Variants in DNAI4 observed in about 807,000 individuals in gnomAD.
DNAI4 encodes the protein WD repeat domain 78.
Under a neutral mutation model 105.8 loss-of-function variants are expected in DNAI4, and 85 were observed. That is an observed-to-expected ratio of 0.80 (90% CI 0.67 to 0.96). DNAI4 has a LOEUF of 0.96. Among genes scored for constraint, DNAI4 ranks in the 40% least tolerant of loss-of-function variants. DNAI4 has a pLI of 0.00. For synonymous variants in DNAI4, 352 were observed against 331.5 expected (o/e 1.06, Z -0.67); for missense variants, 1,014 against 1,005.6 (o/e 1.01, Z -0.11).
chr1:66,900,620 CTTT>C (rs1456798090), intron 2 of DNAI4, among the ~76,000 whole-genome samples: 3 of 152,246 alleles, frequency 2.0e-5, no homozygotes, highest in African/African-American at 2.4e-5. Context: ...TTTTGCACTT[CTTT>C]TATTACATTT....
rs116246605 is a variant in DNAI4, at chr1:66,904,077, A to G, written c.345+1124T>C. On this transcript the variant is annotated intron_variant, in intron 2 of 16. Transcript: ENST00000371026. ...CATGTATTCATATATATGTGTATAT[A>G]CACACATAAATAAGTGAAATACATA... 6.7e-3 allele frequency among the ~76,000 whole-genome samples: 1,020 copies of G among 152,048 alleles called. 9 individuals carry two copies. The highest frequency in any genetic ancestry group is 0.022 in the African/African-American group (921 of 41,500).
chr1:66,864,881 G>A (rs769675859), intron 6 of DNAI4, among the ~76,000 whole-genome samples: 1 of 152,196 alleles, frequency 6.6e-6, no homozygotes, highest in African/African-American at 2.4e-5. Flanking sequence ...AGTTAGGAGA[G>A]TGGATACTTC....
At chr1:66,901,629 T>C (rs1557974288) in intron 2 of DNAI4, among the ~76,000 whole-genome samples, 1 of 152,236 alleles carries the variant, frequency 6.6e-6, no homozygotes, top group Admixed American at 6.5e-5. Flanking sequence ...AGGACTTTAG[T>C]TGCTTTCACC....
At chr1:66,825,619 C>T (rs1304937716) in intron 15 of DNAI4, among the ~76,000 whole-genome samples, 1 of 152,204 alleles carries the variant, frequency 6.6e-6, no homozygotes, top group African/African-American at 2.4e-5. Flanking sequence ...AGACAAGTAG[C>T]AAGTTTGCAT....
chr1:66,849,406 C>T (rs192842863), intron 7 of DNAI4, among the ~76,000 whole-genome samples: 28 of 152,296 alleles, frequency 1.8e-4, no homozygotes, highest in Admixed American at 1.1e-3. Context: ...CAGTGACTCC[C>T]ACTTTCCCCT....
intron 1 of DNAI4, among the ~76,000 whole-genome samples, chr1:66,913,743 G>A (rs1183416422): frequency 6.6e-6 from 1 of 152,100 alleles, no homozygotes; most frequent in African/African-American, 2.4e-5. Flanking sequence ...AGCACTTTGG[G>A]AGGCCGAGGC....
chr1:66,917,705 C>A (rs1203847728), intron 1 of DNAI4, among the ~76,000 whole-genome samples: 1 of 152,166 alleles, frequency 6.6e-6, no homozygotes, highest in East Asian at 1.9e-4. Context: ...TTTTCACTAC[C>A]TGATTTCTCC....
At chr1:66,911,053 C>A (rs1649620897) in intron 1 of DNAI4, among the ~76,000 whole-genome samples, 1 of 152,182 alleles carries the variant, frequency 6.6e-6, no homozygotes, top group Admixed American at 6.5e-5. Flanking sequence ...GCAGAGAGCT[C>A]AGTCCCATAA....
At chr1:66,908,132 T>C (rs768608319) in intron 1 of DNAI4, among the ~76,000 whole-genome samples, 1 of 152,240 alleles carries the variant, frequency 6.6e-6, no homozygotes, top group Non-Finnish European at 1.5e-5. Context: ...ATCCTCTTAC[T>C]TTGAGCCTAT....
At chr1:66,855,326 C>T (rs1194537947) in intron 7 of DNAI4, among the ~76,000 whole-genome samples, 1 of 152,210 alleles carries the variant, frequency 6.6e-6, no homozygotes, top group Non-Finnish European at 1.5e-5. Flanking sequence ...CTGATACTTA[C>T]ATATGTAGTT....
intron 4 of DNAI4, among the ~76,000 whole-genome samples, chr1:66,879,202 G>A: frequency 6.6e-6 from 1 of 152,010 alleles, no homozygotes; most frequent in Non-Finnish European, 1.5e-5. Context: ...TCTCTTCAAG[G>A]CCCTGCTACC....
chr1:66,829,367 TA>T, intron 13 of DNAI4, among the ~76,000 whole-genome samples: 1 of 152,070 alleles, frequency 6.6e-6, no homozygotes, highest in East Asian at 1.9e-4. Flanking sequence ...AGAAAAAGCA[TA>T]AAAAATGACA....
chr1:66,815,166 G>T (rs1251249004), intron 16 of DNAI4, among the ~76,000 whole-genome samples: 2 of 152,128 alleles, frequency 1.3e-5, no homozygotes, highest in African/African-American at 4.8e-5. Context: ...CAGTTGCCAG[G>T]TCCATCAATT....
At chr1:66,892,188 C>G (rs1278173507) in intron 3 of DNAI4, among the ~76,000 whole-genome samples, 2 of 152,186 alleles carry the variant, frequency 1.3e-5, no homozygotes, top group Non-Finnish European at 1.5e-5. Flanking sequence ...ATAGTCTCAA[C>G]TGCCCATCAA....
At chr1:66,874,416 T>C (rs558877548) in intron 5 of DNAI4, among the ~76,000 whole-genome samples, 1 of 152,242 alleles carries the variant, frequency 6.6e-6, no homozygotes, top group East Asian at 1.9e-4. Context: ...AAAAATGTCA[T>C]TTCTTTCTTT....
At chr1:66,880,096 G>A (rs1029170666) in intron 4 of DNAI4, among the ~76,000 whole-genome samples, 1 of 152,346 alleles carries the variant, frequency 6.6e-6, no homozygotes, top group African/African-American at 2.4e-5. Context: ...CCATCCACAT[G>A]AGATATGACT....
At chr1:66,815,870 G>A (rs1351553201) in intron 16 of DNAI4, among the ~76,000 whole-genome samples, 5 of 152,212 alleles carry the variant, frequency 3.3e-5, no homozygotes, top group African/African-American at 1.2e-4. Context: ...CATGCCAGAC[G>A]TTAGGCTGGT....
At chr1:66,837,519 A>G (rs1646053522) in intron 10 of DNAI4, 191 bp downstream of exon 10, 4 of 657,790 alleles carry the variant, frequency 6.1e-6, no homozygotes, top group Non-Finnish European at 9.9e-6. Flanking sequence ...TACTGAATGA[A>G]TTAATAAATG....
At chr1:66,855,042 C>A (rs989436686) in intron 7 of DNAI4, among the ~76,000 whole-genome samples, 8 of 152,280 alleles carry the variant, frequency 5.3e-5, no homozygotes, top group Middle Eastern at 3.4e-3. Context: ...TGATAGCATA[C>A]CTTCCATATG....
Sources: allele counts gnomAD v4.1 joint callset (sites outside exome capture counted in the v4.1 genomes callset), GRCh38; gene constraint gnomAD v4.1.1; transcripts MANE v1.5; gene names NCBI Gene and HGNC (gene_info 2026-07-23, HGNC 2026-07-21).